NCKAP5: variants seen among roughly 807,000 people sequenced by gnomAD.
The protein encoded by NCKAP5 is nck-associated protein 5.
A neutral mutation model predicts 167.0 loss-of-function variants in NCKAP5; 92 were observed. The observed-to-expected ratio is 0.55, with a 90% confidence interval of 0.47 to 0.66. The LOEUF (loss-of-function observed/expected upper bound fraction) is 0.66. Ranked by LOEUF, NCKAP5 falls within the 30% of genes least tolerant of loss-of-function variation. NCKAP5 has a pLI of 0.00. For synonymous variants in NCKAP5, 891 were observed against 877.4 expected (o/e 1.02, Z -0.27); for missense variants, 2,378 against 2,315.0 (o/e 1.03, Z -0.56).
chr2:133,192,692 C>T (rs986486546), intron 5 of NCKAP5, among the ~76,000 whole-genome samples: 1 of 151,934 alleles, frequency 6.6e-6, no homozygotes, highest in African/African-American at 2.4e-5. Context: ...ACTAAAACGA[C>T]AATGAGATAT....
chr2:132,723,455 C>T (rs1300546567), intron 19 of NCKAP5, among the ~76,000 whole-genome samples: 1 of 152,128 alleles, frequency 6.6e-6, no homozygotes, highest in Non-Finnish European at 1.5e-5. Flanking sequence ...AGCCACCGCG[C>T]CCGGCCATTA....
chr2:133,250,944 A>G (rs2088286062), intron 4 of NCKAP5, among the ~76,000 whole-genome samples: 1 of 152,104 alleles, frequency 6.6e-6, no homozygotes, highest in African/African-American at 2.4e-5. Context: ...AAACAAACAA[A>G]CAAACAAACA....
intron 6 of NCKAP5, among the ~76,000 whole-genome samples, chr2:133,038,561 C>T (rs1422560287): frequency 6.6e-5 from 10 of 152,008 alleles, no homozygotes; most frequent in Admixed American, 6.6e-4. Context: ...TATTTGATAG[C>T]TCAACAGAAG....
chr2:132,951,775 T>C (rs915851957), intron 8 of NCKAP5, among the ~76,000 whole-genome samples: 2 of 152,220 alleles, frequency 1.3e-5, no homozygotes, highest in African/African-American at 4.8e-5. Flanking sequence ...CATTTTCTCC[T>C]GGCAAACTAT....
chr2:133,091,603 C>T (rs2081185715), intron 6 of NCKAP5, among the ~76,000 whole-genome samples: 1 of 152,150 alleles, frequency 6.6e-6, no homozygotes, highest in Middle Eastern at 3.4e-3. Flanking sequence ...AAAAAAGATG[C>T]TTGGCCAGGC....
rs1692638419 is a variant in NCKAP5, at chr2:132,890,809, T to A, written c.580-11893A>T. ...TGATTGTATTTGAGAGCTTGTACAG[T>A]ATCCAGACCCAGACAATGTCTAGGG... is the stretch of plus-strand genomic sequence containing the variant. On this transcript the variant is annotated intron_variant, in intron 8 of 19. Coordinates refer to ENST00000409261, the MANE Select transcript of NCKAP5 (RefSeq NM_207363.3). Among the ~76,000 whole-genome samples the A allele has an allele frequency of 2.6e-5, 4 of 152,330 alleles. No homozygotes were observed. The South Asian group carries it at 8.3e-4, about 32-fold the overall frequency.
chr2:133,346,262 G>C (rs1683971867), intron 3 of NCKAP5, among the ~76,000 whole-genome samples: 1 of 152,182 alleles, frequency 6.6e-6, no homozygotes, highest in Admixed American at 6.5e-5. Context: ...ACATCTATTT[G>C]AAAGGGCTGC....
chr2:133,670,738 T>C, the NCKAP5 span, among the ~76,000 whole-genome samples: 2 of 152,178 alleles, frequency 1.3e-5, no homozygotes, highest in African/African-American at 2.4e-5. Context: ...AACTCCCTCA[T>C]AGCTTGAGCT....
intron 7 of NCKAP5, among the ~76,000 whole-genome samples, chr2:132,974,019 T>G (rs2076907923): frequency 6.6e-6 from 1 of 152,222 alleles, no homozygotes; most frequent in African/African-American, 2.4e-5. Context: ...AAAGCATCCA[T>G]GTAGTAACAC....
At chr2:132,881,605 C>T (rs1169663564) in intron 8 of NCKAP5, among the ~76,000 whole-genome samples, 7 of 122,340 alleles carry the variant, frequency 5.7e-5, no homozygotes. Context: ...TGTTGTTGAA[C>T]ATCCCTTAAT....
At chr2:132,752,926 A>C (rs1295888522) in intron 16 of NCKAP5, among the ~76,000 whole-genome samples, 5 of 152,358 alleles carry the variant, frequency 3.3e-5, no homozygotes. Flanking sequence ...GTAGTCAGGC[A>C]GGAAAAATAA....
At position 132,672,214 on chromosome 2, in the gene NCKAP5, C is replaced by T. The variant is rs915827008; in HGVS notation, c.*1075G>A. 1.3e-5 allele frequency: 2 copies of T among 152,302 alleles called. No homozygotes were observed. Among genetic ancestry groups the T allele is most frequent in the Non-Finnish European group, 2.9e-5 (2 of 67,998 alleles). The allele number at this position is 152,302 out of a possible 1,614,324, so 9.4% of individuals were successfully genotyped here. On this transcript the variant is annotated 3_prime_UTR_variant, in exon 20 of 20. Transcript: ENST00000409261. Reference sequence around the variant, plus strand: ...AAATTTGTTTTCATTTTTAGAGTGCCCAGATTTTAATAAAAAGAGCAAGAA... The same window carrying T: ...AAATTTGTTTTCATTTTTAGAGTGCTCAGATTTTAATAAAAAGAGCAAGAA...
At chr2:132,954,130 T>C (rs1485993659) in intron 8 of NCKAP5, among the ~76,000 whole-genome samples, 1 of 152,224 alleles carries the variant, frequency 6.6e-6, no homozygotes, top group Admixed American at 6.5e-5. Context: ...TTAAGTCAGT[T>C]TGAGTAGTGT....
chr2:132,841,498 T>G (rs1397051017), intron 11 of NCKAP5, among the ~76,000 whole-genome samples: 3 of 152,134 alleles, frequency 2.0e-5, no homozygotes, highest in Admixed American at 2.0e-4. Context: ...TTTTCCAGTA[T>G]TTATAGTTGC....
At chr2:133,490,950 A>C (rs1344475646) in intron 3 of NCKAP5, among the ~76,000 whole-genome samples, 1 of 152,252 alleles carries the variant, frequency 6.6e-6, no homozygotes, top group Non-Finnish European at 1.5e-5. Flanking sequence ...AGAGATCTAA[A>C]GTAGGTAAGC....
chr2:132,849,213 C>T (rs552999414), intron 11 of NCKAP5, among the ~76,000 whole-genome samples: 1 of 150,734 alleles, frequency 6.6e-6, no homozygotes, highest in African/African-American at 2.5e-5. Context: ...CTCAGATACT[C>T]AAAGGATTCT....
chr2:133,452,997 C>A (rs1050868625), intron 3 of NCKAP5, among the ~76,000 whole-genome samples: 1 of 152,158 alleles, frequency 6.6e-6, no homozygotes, highest in Non-Finnish European at 1.5e-5. Flanking sequence ...TAAATAAATT[C>A]ACTGTTGAAT....
At chr2:133,099,944 T>C (rs1559138149) in intron 6 of NCKAP5, among the ~76,000 whole-genome samples, 1 of 152,224 alleles carries the variant, frequency 6.6e-6, no homozygotes, top group African/African-American at 2.4e-5. Flanking sequence ...TCTGTGACAA[T>C]GATCTACGGC....
intron 3 of NCKAP5, among the ~76,000 whole-genome samples, chr2:133,472,046 G>A (rs1430295416): frequency 1.3e-5 from 2 of 151,908 alleles, no homozygotes; most frequent in African/African-American, 4.8e-5. Flanking sequence ...AAAACCTGAG[G>A]GTAAATATAA....
Sources: gnomAD v4.1 joint callset for allele counts (sites outside exome capture counted in the v4.1 genomes callset) on GRCh38, gnomAD v4.1.1 for gene constraint, MANE v1.5 for transcripts, NCBI Gene and HGNC (gene_info 2026-07-23, HGNC 2026-07-21) for gene names.